Variants in KLHDC1 observed in about 807,000 individuals in gnomAD.
KLHDC1 encodes kelch domain-containing protein 1.
KLHDC1 carries 53 observed loss-of-function variants against 68.3 expected under a neutral mutation model. The observed-to-expected ratio is 0.78, with a 90% CI of 0.62 to 0.98. The LOEUF (loss-of-function observed/expected upper bound fraction) is 0.98, where lower values mean the gene tolerates loss of function less well. Among genes scored for constraint, KLHDC1 ranks in the 50% least tolerant of loss-of-function variants. KLHDC1 has a pLI of 0.00. For missense variants in KLHDC1, 470 were observed against 492.3 expected (o/e 0.95, Z 0.43); for synonymous variants, 148 against 159.0 (o/e 0.93, Z 0.52).
At chr14:49,716,639 C>T (rs1268826842) in intron 4 of KLHDC1, among the ~76,000 whole-genome samples, 1 of 152,158 alleles carries the variant, frequency 6.6e-6, no homozygotes, top group African/African-American at 2.4e-5. Context: ...GCACCTCAGC[C>T]TCCCAAAGTG....
At chr14:49,746,927 C>T (rs899663702) in intron 12 of KLHDC1, among the ~76,000 whole-genome samples, 2 of 151,762 alleles carry the variant, frequency 1.3e-5, no homozygotes, top group Non-Finnish European at 2.9e-5. Context: ...GACCCTTCCA[C>T]CCTTCCAGTT....
chr14:49,705,840 A>G (rs559933598), intron 1 of KLHDC1, among the ~76,000 whole-genome samples: 58 of 152,244 alleles, frequency 3.8e-4, no homozygotes, highest in African/African-American at 1.4e-3. Flanking sequence ...ACTGATTGAA[A>G]AATTTTTTTA....
At chr14:49,732,596 G>A in intron 8 of KLHDC1, 108 bp from the exon 9 acceptor site, 2 of 491,070 alleles carry the variant, frequency 4.1e-6, no homozygotes, top group Non-Finnish European at 7.1e-6. Flanking sequence ...ACTAGTAAAA[G>A]TTTTTTGGAG....
intron 4 of KLHDC1, among the ~76,000 whole-genome samples, chr14:49,715,765 A>AATATATATATATATATATATATATAT (rs1555339251): frequency 5.8e-5 from 3 of 51,390 alleles, no homozygotes; most frequent in East Asian, 3.9e-4. Flanking sequence ...AAAAAAAAAA[A>AATATATATATATATATATATATATAT]ATATATATAT....
At chr14:49,714,554 C>T (rs1888318533) in intron 4 of KLHDC1, among the ~76,000 whole-genome samples, 1 of 151,612 alleles carries the variant, frequency 6.6e-6, no homozygotes, top group Non-Finnish European at 1.5e-5. Context: ...CTGGAGGATC[C>T]CTTGAGGACA....
chr14:49,736,876 C>A (rs969422293), intron 10 of KLHDC1, among the ~76,000 whole-genome samples: 1 of 152,144 alleles, frequency 6.6e-6, no homozygotes, highest in Non-Finnish European at 1.5e-5. Flanking sequence ...GACAAATTGC[C>A]CCTGGTTGAG....
chr14:49,740,480 G>T (rs12883999), intron 11 of KLHDC1, among the ~76,000 whole-genome samples: 1,584 of 152,198 alleles, frequency 0.01, 21 homozygotes, highest in Non-Finnish European at 0.012. Context: ...TGGGACTACA[G>T]GCACCTGCCA....
intron 11 of KLHDC1, 105 bp downstream of exon 11, chr14:49,740,287 G>A (rs1386948756): frequency 1.4e-5 from 9 of 645,586 alleles, no homozygotes; most frequent in Non-Finnish European, 2.2e-5. Context: ...AAAATATGAA[G>A]GGCCTGAAAT....
chr14:49,743,179 C>T (rs1025996505), intron 11 of KLHDC1, among the ~76,000 whole-genome samples: 9 of 151,468 alleles, frequency 5.9e-5, no homozygotes, highest in Non-Finnish European at 1.5e-5. Flanking sequence ...GGTGGATCAC[C>T]TGAGGTCAGG....
chr14:49,736,919 T>G (rs748072661), intron 10 of KLHDC1, among the ~76,000 whole-genome samples: 12 of 152,246 alleles, frequency 7.9e-5, no homozygotes, highest in Non-Finnish European at 1.5e-4. Context: ...ACTCCTATTC[T>G]CTGAGTCTCA....
chr14:49,739,252 G>C (rs772372323), intron 10 of KLHDC1, among the ~76,000 whole-genome samples: 2 of 152,174 alleles, frequency 1.3e-5, no homozygotes, highest in African/African-American at 4.8e-5. Flanking sequence ...CATAGGGGAA[G>C]CAAGGGAATG....
In KLHDC1 at chr14:49,736,412, G is replaced by T. The variant is rs191888084; in HGVS notation, c.896+1751G>T. Among the ~76,000 whole-genome samples, 29 of 152,244 alleles carry T rather than the reference G, an allele frequency of 1.9e-4. No individual in the cohort carries two copies. The East Asian group carries it at 5.6e-3, about 29-fold the overall frequency. On this transcript the variant is annotated intron_variant, in intron 10 of 12. Transcript: ENST00000359332. ...ATGTCACCAAAATCAAGGCAGGAAA[G>T]GCTTTCCAGTGTTCTTCGATGATGA...
chr14:49,694,769 A>T (rs564392171), intron 1 of KLHDC1, among the ~76,000 whole-genome samples: 1 of 152,072 alleles, frequency 6.6e-6, no homozygotes, highest in Non-Finnish European at 1.5e-5. Flanking sequence ...CAGGAGAATC[A>T]CTTGGACCCG....
At chr14:49,698,477 C>T (rs1697803346) in intron 1 of KLHDC1, among the ~76,000 whole-genome samples, 1 of 151,860 alleles carries the variant, frequency 6.6e-6, no homozygotes, top group Non-Finnish European at 1.5e-5. Flanking sequence ...GCTGGGATTA[C>T]AGGCCTGAGC....
chr14:49,718,347 C>G (rs1301557134), intron 4 of KLHDC1, among the ~76,000 whole-genome samples: 2 of 152,130 alleles, frequency 1.3e-5, no homozygotes, highest in African/African-American at 4.8e-5. Context: ...GTGGCACTGT[C>G]TTGGTTCACT....
At chr14:49,727,581 C>T (rs1888703769) in intron 6 of KLHDC1, among the ~76,000 whole-genome samples, 1 of 152,174 alleles carries the variant, frequency 6.6e-6, no homozygotes, top group African/African-American at 2.4e-5. Flanking sequence ...TCTGGATTCT[C>T]TTTTTCCAGG....
At chr14:49,731,311 CAA>C (rs1888802809) in intron 8 of KLHDC1, among the ~76,000 whole-genome samples, 3 of 152,052 alleles carry the variant, frequency 2.0e-5, no homozygotes, top group Admixed American at 6.6e-5. Flanking sequence ...ATAAACAACA[CAA>C]ACAGTAAAAA....
intron 1 of KLHDC1, among the ~76,000 whole-genome samples, chr14:49,706,862 C>T (rs368757173): frequency 8.8e-5 from 13 of 148,340 alleles, no homozygotes; most frequent in South Asian, 2.4e-4. Flanking sequence ...CGTTTGAGCT[C>T]CTTATATATT....
At chr14:49,693,320 T>C (rs1165897995) in intron 1 of KLHDC1, 30 bp downstream of exon 1, 11 of 1,411,590 alleles carry the variant, frequency 7.8e-6, no homozygotes, top group Non-Finnish European at 1.0e-5. Flanking sequence ...CGGGGTAGAC[T>C]CGCGCCGGGA....
Sources: allele counts gnomAD v4.1 joint callset (sites outside exome capture counted in the v4.1 genomes callset), GRCh38; gene constraint gnomAD v4.1.1; transcripts MANE v1.5; gene names NCBI Gene and HGNC (gene_info 2026-07-23, HGNC 2026-07-21).